CLMN: variants seen among roughly 807,000 people sequenced by gnomAD.
CLMN encodes the protein calmin (calponin-like, transmembrane).
CLMN carries 57 observed loss-of-function variants against 92.7 expected under a neutral mutation model. That is an observed-to-expected ratio of 0.61 (90% confidence interval 0.50 to 0.77). CLMN has a LOEUF of 0.77. CLMN is among the 30% of genes least tolerant of loss of function. CLMN has a pLI of 0.00. For synonymous variants in CLMN, 466 were observed against 470.6 expected (o/e 0.99, Z 0.13); for missense variants, 1,158 against 1,237.5 (o/e 0.94, Z 0.96).
intron 8 of CLMN, among the ~76,000 whole-genome samples, chr14:95,208,199 G>A (rs1188963360): frequency 6.6e-6 from 1 of 152,078 alleles, no homozygotes; most frequent in Non-Finnish European, 1.5e-5. Flanking sequence ...ACTTATAACT[G>A]TTTCCGTTAC....
At chr14:95,274,230 A>G (rs762273967) in intron 1 of CLMN, among the ~76,000 whole-genome samples, 13 of 151,858 alleles carry the variant, frequency 8.6e-5, no homozygotes, top group Admixed American at 7.2e-4. Context: ...GCGCACCCAG[A>G]TTCCCCCGTC....
At chr14:95,269,102 T>C (rs1899604609) in intron 1 of CLMN, among the ~76,000 whole-genome samples, 1 of 152,276 alleles carries the variant, frequency 6.6e-6, no homozygotes, top group South Asian at 2.1e-4. Context: ...CACTTGGCTA[T>C]GTCTTACAAC....
chr14:95,260,574 TTG>T (rs1327151576), intron 1 of CLMN: 1 of 152,256 alleles, frequency 6.6e-6, no homozygotes, highest in Non-Finnish European at 1.5e-5. Context: ...TTCAGGGAGC[TTG>T]TGATTTTGAC....
intron 1 of CLMN, among the ~76,000 whole-genome samples, chr14:95,239,196 T>A (rs1247642025): frequency 1.3e-5 from 2 of 152,044 alleles, no homozygotes; most frequent in African/African-American, 2.4e-5. Context: ...GAGACAAGGA[T>A]TGAAATAGTA....
At chr14:95,237,451 C>T (rs1898094692) in intron 1 of CLMN, among the ~76,000 whole-genome samples, 3 of 152,196 alleles carry the variant, frequency 2.0e-5, no homozygotes, top group South Asian at 2.1e-4. Flanking sequence ...AGCATGGTCA[C>T]GTGGCAGAGA....
intron 1 of CLMN, among the ~76,000 whole-genome samples, chr14:95,272,409 C>T (rs370341323): frequency 2.0e-5 from 3 of 152,266 alleles, no homozygotes; most frequent in African/African-American, 7.2e-5. Flanking sequence ...GAGAGAAGTT[C>T]CAGAACACCC....
At chr14:95,257,751 T>C (rs2140691979) in intron 1 of CLMN, among the ~76,000 whole-genome samples, 1 of 152,348 alleles carries the variant, frequency 6.6e-6, no homozygotes, top group East Asian at 1.9e-4. Context: ...CTGCCGCATC[T>C]CAGCACCCTG....
intron 1 of CLMN, among the ~76,000 whole-genome samples, chr14:95,250,158 C>A (rs1898726057): frequency 6.6e-6 from 1 of 152,224 alleles, no homozygotes; most frequent in Non-Finnish European, 1.5e-5. Flanking sequence ...AGAACTGGGC[C>A]AGGCTGTCTC....
intron 1 of CLMN, among the ~76,000 whole-genome samples, chr14:95,244,985 G>GCA (rs1555390269): frequency 3.1e-5 from 3 of 96,262 alleles, no homozygotes; most frequent in African/African-American, 1.3e-4. Context: ...ACATATATGT[G>GCA]TATACACACA....
At chr14:95,219,332 G>C (rs536419833) in intron 4 of CLMN, among the ~76,000 whole-genome samples, 2 of 152,330 alleles carry the variant, frequency 1.3e-5, no homozygotes, top group Admixed American at 6.5e-5. Context: ...ACGAATCTGA[G>C]GAGGCTGTTT....
At position 95,196,380 on chromosome 14, in the gene CLMN, T is replaced by C; in HGVS notation, c.2708+118A>G. ...AGAATGAGGATTGTGTATGAAGCTGTATTTCCCTTGCTGTCCAATCCCATG... is the reference window on the plus strand; with the variant it reads ...AGAATGAGGATTGTGTATGAAGCTGCATTTCCCTTGCTGTCCAATCCCATG... On this transcript the variant is annotated intron_variant, in intron 10 of 12. Coordinates refer to ENST00000298912, the MANE Select transcript of CLMN (RefSeq NM_024734.4). 4 of 990,996 alleles carry C rather than the reference T, an allele frequency of 4.0e-6. No individual in the cohort carries two copies. The Admixed American group carries it at 8.4e-5, about 21-fold the overall frequency. The allele number at this position is 990,996 out of a possible 1,614,324, so 61.4% of individuals were successfully genotyped here. A position where few individuals can be genotyped will look rare whatever the true frequency, so the allele number is the denominator to read the frequency against.
At position 95,223,872 on chromosome 14, in the gene CLMN, A is replaced by T. The variant is rs747859237; in HGVS notation, c.145-17T>A. 17 of 1,578,438 alleles carry T rather than the reference A, an allele frequency of 1.1e-5. No individual in the cohort carries two copies. The East Asian group carries it at 3.8e-4, about 35-fold the overall frequency. ...TGGGTTGCACTTTGAAAGAGAAGGG[A>T]AGAAAGTAGCCAATTAGCAACCTGT... On this transcript the variant is annotated splice_polypyrimidine_tract_variant and intron_variant, in intron 2 of 12. Coordinates refer to ENST00000298912, the MANE Select transcript of CLMN (RefSeq NM_024734.4).
At chr14:95,264,848 G>T (rs776637371) in intron 1 of CLMN, among the ~76,000 whole-genome samples, 60 of 151,632 alleles carry the variant, frequency 4.0e-4, no homozygotes, top group Non-Finnish European at 5.9e-4. Flanking sequence ...CAAGGCAGGA[G>T]GATCACTTGA....
intron 5 of CLMN, among the ~76,000 whole-genome samples, chr14:95,214,636 G>A (rs1408179936): frequency 1.3e-5 from 2 of 152,202 alleles, no homozygotes; most frequent in African/African-American, 2.4e-5. Context: ...ATATGCGTGA[G>A]CCACTGTGCC....
intron 1 of CLMN, among the ~76,000 whole-genome samples, chr14:95,252,739 A>T (rs1410031898): frequency 6.6e-6 from 1 of 152,022 alleles, no homozygotes; most frequent in Non-Finnish European, 1.5e-5. Flanking sequence ...ATCAATCATC[A>T]GCCATGCCTC....
intron 1 of CLMN, among the ~76,000 whole-genome samples, chr14:95,311,148 G>C (rs1275077182): frequency 6.6e-6 from 1 of 152,140 alleles, no homozygotes; most frequent in Non-Finnish European, 1.5e-5. Flanking sequence ...AGAGGCGCAT[G>C]AACAGTGCTA....
chr14:95,245,400 A>T (rs1373638742), intron 1 of CLMN, among the ~76,000 whole-genome samples: 1 of 148,052 alleles, frequency 6.8e-6, no homozygotes, highest in Non-Finnish European at 1.5e-5. Context: ...AAGTAGGCAG[A>T]ATGTCTTATA....
intron 10 of CLMN, among the ~76,000 whole-genome samples, chr14:95,195,198 CTT>C (rs1423403785): frequency 6.6e-5 from 10 of 152,228 alleles, no homozygotes; most frequent in Non-Finnish European, 1.5e-5. Flanking sequence ...CTCAAGGACT[CTT>C]TGAGAATTAA....
intron 5 of CLMN, 99 bp downstream of exon 5, chr14:95,215,540 CTA>C (rs1897312012): frequency 1.0e-6 from 1 of 956,892 alleles, no homozygotes; most frequent in African/African-American, 1.6e-5. Context: ...CTGCCATAAA[CTA>C]AGCCTCACTG....
Sources: allele counts gnomAD v4.1 joint callset (sites outside exome capture counted in the v4.1 genomes callset), GRCh38; gene constraint gnomAD v4.1.1; transcripts MANE v1.5; gene names NCBI Gene and HGNC (gene_info 2026-07-23, HGNC 2026-07-21).